The following LMOD1 variants were observed in gnomAD, a reference collection of about 807,000 sequenced individuals.
LMOD1 encodes the protein leiomodin 1, also known as leiomodin-1.
In LMOD1, 8 loss-of-function variants were observed where a neutral mutation model predicts 36.5. The observed-to-expected ratio is 0.22, with a 90% CI of 0.13 to 0.40. LMOD1 has a LOEUF of 0.40. LMOD1 is among the 10% of genes least tolerant of loss of function. The probability of loss-of-function intolerance (pLI) is 1.00; values close to 1 mark genes in which losing one functional copy is unlikely to be tolerated. For missense variants in LMOD1, 630 were observed against 751.1 expected, an observed-to-expected ratio of 0.84 and a Z score of 1.88; for synonymous variants, 284 against 288.7, an observed-to-expected ratio of 0.98 and a Z score of 0.17.
intron 1 of LMOD1, among the ~76,000 whole-genome samples, chr1:201,905,944 G>C (rs1019889256): frequency 2.6e-5 from 4 of 152,234 alleles, no homozygotes; most frequent in Non-Finnish European, 5.9e-5. Flanking sequence ...AAGCAAGACC[G>C]AGGTGATGGC....
chr1:201,926,253 A>T (rs937938969), intron 1 of LMOD1, among the ~76,000 whole-genome samples: 58 of 152,260 alleles, frequency 3.8e-4, no homozygotes, highest in African/African-American at 1.3e-3. Flanking sequence ...CTGTGAGCTG[A>T]CCATAAGTCT....
chr1:201,912,866 T>C (rs1335033670), intron 1 of LMOD1, among the ~76,000 whole-genome samples: 2 of 151,984 alleles, frequency 1.3e-5, no homozygotes, highest in Non-Finnish European at 2.9e-5. Flanking sequence ...AGAGTGAGAC[T>C]CCATCTCAGA....
chr1:201,927,726 G>A (rs1434834734), intron 1 of LMOD1, among the ~76,000 whole-genome samples: 2 of 152,198 alleles, frequency 1.3e-5, no homozygotes, highest in Non-Finnish European at 2.9e-5. Context: ...GAAACTCAGT[G>A]TAAGCAAAAT....
Position 201,946,155 on chromosome 1 carries a change from C to G in LMOD1, c.186G>C (p.Val62=). ...AGTTGAGCATGGCCTCCCGGTTGTACACACCCGTGGACTGTTTCTCCGTCT... is the reference window on the plus strand; with the variant it reads ...AGTTGAGCATGGCCTCCCGGTTGTAGACACCCGTGGACTGTTTCTCCGTCT... ...RNQTEKQSTG[V]YNREAMLNFC... is the part of the protein sequence containing the mutation. The change falls in exon 1 of 3, where the codon GTG becomes GTC. Residue 62 remains valine (V), a synonymous_variant. Transcript: ENST00000367288. The G allele has an allele frequency of 1.2e-6, 2 of 1,613,998 alleles. No individual in the cohort carries two copies. The highest frequency in any genetic ancestry group is 2.2e-5 in the South Asian group (2 of 91,080).
chr1:201,909,305 C>G (rs989432089), intron 1 of LMOD1, among the ~76,000 whole-genome samples: 3 of 152,240 alleles, frequency 2.0e-5, no homozygotes, highest in African/African-American at 7.2e-5. Context: ...ATGATGGGGT[C>G]TCAGGTGTGA....
chr1:201,924,112 C>A (rs1320706086), intron 1 of LMOD1, among the ~76,000 whole-genome samples: 31 of 150,170 alleles, frequency 2.1e-4, no homozygotes. Context: ...GTCAGGAGAT[C>A]AAGACCATCC....
chr1:201,905,872 T>G (rs895608693), intron 1 of LMOD1, among the ~76,000 whole-genome samples: 3 of 152,244 alleles, frequency 2.0e-5, no homozygotes, highest in African/African-American at 7.2e-5. Flanking sequence ...CTGACTAGCA[T>G]TGACTGCACC....
chr1:201,920,637 G>A (rs1234490327), intron 1 of LMOD1, among the ~76,000 whole-genome samples: 1 of 152,160 alleles, frequency 6.6e-6, no homozygotes, highest in Non-Finnish European at 1.5e-5. Flanking sequence ...GAAAAGCCAA[G>A]ACCTACTGGG....
intron 1 of LMOD1, among the ~76,000 whole-genome samples, chr1:201,919,132 C>G (rs1681656452): frequency 6.6e-6 from 1 of 151,106 alleles, no homozygotes; most frequent in Non-Finnish European, 1.5e-5. Context: ...TCAAGCAATC[C>G]TCCCGCCTTG....
intron 1 of LMOD1, among the ~76,000 whole-genome samples, chr1:201,930,072 G>A (rs12057367): frequency 0.34 from 52,009 of 151,938 alleles, 9,736 homozygotes; most frequent in East Asian, 0.7. Context: ...AAAGCCTGGC[G>A]CTCTGGAGAA....
At chr1:201,925,667 G>GC (rs1681816245) in intron 1 of LMOD1, among the ~76,000 whole-genome samples, 1 of 139,472 alleles carries the variant, frequency 7.2e-6, no homozygotes, top group Non-Finnish European at 1.6e-5. Context: ...CTGGAGGCTT[G>GC]TTTTTTTTTT....
intron 1 of LMOD1, among the ~76,000 whole-genome samples, chr1:201,918,062 G>A (rs1681639386): frequency 6.6e-6 from 1 of 152,184 alleles, no homozygotes; most frequent in South Asian, 2.1e-4. Flanking sequence ...TTCATTTTGC[G>A]CTAAGCCCTG....
intron 1 of LMOD1, among the ~76,000 whole-genome samples, chr1:201,941,421 A>G (rs1291362765): frequency 6.6e-6 from 1 of 152,212 alleles, no homozygotes; most frequent in African/African-American, 2.4e-5. Context: ...TTAACAGTCT[A>G]ACCCTCTCCG....
At chr1:201,941,794 C>T (rs1346522426) in intron 1 of LMOD1, among the ~76,000 whole-genome samples, 1 of 152,196 alleles carries the variant, frequency 6.6e-6, no homozygotes, top group Non-Finnish European at 1.5e-5. Context: ...TCGAGTTTAC[C>T]TCTAGGGAGA....
intron 1 of LMOD1, among the ~76,000 whole-genome samples, chr1:201,943,719 C>G (rs1014684653): frequency 2.6e-5 from 4 of 152,172 alleles, no homozygotes; most frequent in African/African-American, 9.7e-5. Flanking sequence ...TCATAGCTGG[C>G]CTTGACTGAG....
At chr1:201,922,796 T>C (rs1178189869) in intron 1 of LMOD1, among the ~76,000 whole-genome samples, 2 of 151,690 alleles carry the variant, frequency 1.3e-5, no homozygotes, top group African/African-American at 4.8e-5. Flanking sequence ...CTGCTTTTTT[T>C]CTAAAAACAC....
intron 1 of LMOD1, among the ~76,000 whole-genome samples, chr1:201,906,586 G>T (rs1558235913): frequency 1.3e-5 from 2 of 152,232 alleles, no homozygotes; most frequent in Admixed American, 1.3e-4. Context: ...TTACAGGGCT[G>T]GTGTGCAGGG....
intron 1 of LMOD1, among the ~76,000 whole-genome samples, chr1:201,905,495 A>C (rs567643833): frequency 6.6e-6 from 1 of 152,372 alleles, no homozygotes; most frequent in East Asian, 1.9e-4. Flanking sequence ...CACCACCTCC[A>C]TTGGCAAAAG....
chr1:201,933,171 T>C (rs1681954974), intron 1 of LMOD1, among the ~76,000 whole-genome samples: 1 of 152,218 alleles, frequency 6.6e-6, no homozygotes, highest in Admixed American at 6.5e-5. Context: ...CCCAGCACTT[T>C]GGGAGGCTGA....
Sources: gnomAD v4.1 joint callset for allele counts (sites outside exome capture counted in the v4.1 genomes callset) on GRCh38, gnomAD v4.1.1 for gene constraint, MANE v1.5 for transcripts, NCBI Gene and HGNC (gene_info 2026-07-23, HGNC 2026-07-21) for gene names.